PRKCE: variants seen among roughly 807,000 people sequenced by gnomAD.
The protein encoded by PRKCE is protein kinase C epsilon type.
In PRKCE, 16 loss-of-function variants were observed where a neutral mutation model predicts 85.4. That is an observed-to-expected ratio of 0.19 (90% CI 0.13 to 0.28). PRKCE has a LOEUF of 0.28. Among genes scored for constraint, PRKCE ranks in the 10% least tolerant of loss-of-function variants. The probability of loss-of-function intolerance (pLI) is 1.00; values close to 1 mark genes in which losing one functional copy is unlikely to be tolerated. For synonymous variants in PRKCE, 388 were observed against 371.5 expected (o/e 1.04, Z -0.51); for missense variants, 573 against 975.2 (o/e 0.59, Z 5.49).
In PRKCE at chr2:45,786,986, G is replaced by A. The variant is rs765137557; in HGVS notation, c.349-56014G>A. On this transcript the variant is annotated intron_variant, in intron 1 of 14. Coordinates refer to ENST00000306156, the MANE Select transcript of PRKCE (RefSeq NM_005400.3). This position sits in a 1 kb window ranked among gnomAD's most constrained non-coding sequence, Gnocchi z 5.3. ...GTCACTTGAGGCTTTGGTTCAAGTCGGGATTTCCCATCGGTTTCCCCTGGA... is the reference window on the plus strand; with the variant it reads ...GTCACTTGAGGCTTTGGTTCAAGTCAGGATTTCCCATCGGTTTCCCCTGGA... Among the ~76,000 whole-genome samples, 1 of 152,280 alleles carries A rather than the reference G, an allele frequency of 6.6e-6. No individual in the cohort carries two copies. The highest frequency in any genetic ancestry group is 1.9e-4 in the East Asian group (1 of 5,188).
At chr2:45,832,145 C>T (rs976886166) in intron 1 of PRKCE, among the ~76,000 whole-genome samples, 2 of 152,046 alleles carry the variant, frequency 1.3e-5, no homozygotes, top group Non-Finnish European at 2.9e-5. Context: ...CAGGAATATT[C>T]CCCGGAGAGC....
chr2:45,775,125 T>C (rs1685649847), intron 1 of PRKCE, among the ~76,000 whole-genome samples: 1 of 152,190 alleles, frequency 6.6e-6, no homozygotes, highest in African/African-American at 2.4e-5. Context: ...TGGCAGGCAC[T>C]TTACGTAATT....
chr2:46,106,073 T>G (rs1671686867), intron 11 of PRKCE, among the ~76,000 whole-genome samples: 1 of 152,220 alleles, frequency 6.6e-6, no homozygotes, highest in Non-Finnish European at 1.5e-5. Context: ...CTAGGCTATG[T>G]GGTTTGTCTG....
chr2:45,969,353 A>G (rs77467776), intron 2 of PRKCE, among the ~76,000 whole-genome samples: 1,804 of 152,252 alleles, frequency 0.012, 12 homozygotes, highest in Middle Eastern at 0.041. Flanking sequence ...ACCTCCAAAG[A>G]GCCAAATGGG....
intron 12 of PRKCE, among the ~76,000 whole-genome samples, chr2:46,148,435 T>C (rs1676296602): frequency 6.6e-6 from 1 of 152,160 alleles, no homozygotes; most frequent in Non-Finnish European, 1.5e-5. Context: ...GGCGGCTCTG[T>C]GGTTTCCACA....
At chr2:45,801,025 G>C (rs1687823577) in intron 1 of PRKCE, among the ~76,000 whole-genome samples, 1 of 152,142 alleles carries the variant, frequency 6.6e-6, no homozygotes, top group Non-Finnish European at 1.5e-5. Flanking sequence ...AGAATTAGTG[G>C]GGGGAAGGGC....
intron 1 of PRKCE, among the ~76,000 whole-genome samples, chr2:45,759,789 C>T (rs1684306528): frequency 6.6e-6 from 1 of 152,150 alleles, no homozygotes; most frequent in Non-Finnish European, 1.5e-5. Context: ...TGAGTAAATG[C>T]TTAGGAGTCC....
intron 2 of PRKCE, among the ~76,000 whole-genome samples, chr2:45,850,387 T>C (rs1384023712): frequency 6.6e-6 from 1 of 152,244 alleles, no homozygotes; most frequent in East Asian, 1.9e-4. Flanking sequence ...TGTCTTGCTG[T>C]GTATCATTTC....
chr2:45,947,859 G>C (rs1486050534), intron 2 of PRKCE, among the ~76,000 whole-genome samples: 2 of 152,180 alleles, frequency 1.3e-5, no homozygotes, highest in Admixed American at 6.5e-5. Flanking sequence ...TTGCTCTAAA[G>C]TGTATATTTC....
intron 2 of PRKCE, among the ~76,000 whole-genome samples, chr2:45,966,246 A>ATACT (rs1369362603): frequency 2.0e-5 from 3 of 152,182 alleles, no homozygotes; most frequent in Non-Finnish European, 4.4e-5. Flanking sequence ...TGTAATGTTG[A>ATACT]TACTTCATAG....
At position 46,185,971 on chromosome 2, in the gene PRKCE, A is replaced by G. The variant is rs1168167372; in HGVS notation, c.*1090A>G. On this transcript the variant is annotated 3_prime_UTR_variant, in exon 15 of 15. Transcript: ENST00000306156. This position sits in a 1 kb window ranked among gnomAD's most constrained non-coding sequence, Gnocchi z 4.7. ...AAACATTAAACATGTAAAGTTATAT[A>G]CGAAATATCTGCTTTTGGAATAAGC... 6.6e-6 allele frequency: 1 copy of G among 152,452 alleles called. No individual in the cohort carries two copies. The highest frequency in any genetic ancestry group is 1.5e-5 in the Non-Finnish European group (1 of 68,046). The allele number at this position is 152,452 out of a possible 1,614,324, so 9.4% of individuals were successfully genotyped here.
intron 11 of PRKCE, among the ~76,000 whole-genome samples, chr2:46,091,498 G>T (rs975835799): frequency 6.6e-6 from 1 of 152,202 alleles, no homozygotes; most frequent in Non-Finnish European, 1.5e-5. Flanking sequence ...GGAGTTGAAG[G>T]CTTGGCAGCC....
At chr2:45,891,990 T>G (rs1032327410) in intron 2 of PRKCE, among the ~76,000 whole-genome samples, 1 of 152,172 alleles carries the variant, frequency 6.6e-6, no homozygotes, top group African/African-American at 2.4e-5. Context: ...AAATCTAATA[T>G]CTTCCTGTTG....
intron 14 of PRKCE, among the ~76,000 whole-genome samples, chr2:46,169,290 A>G (rs559328997): frequency 1.3e-5 from 2 of 152,306 alleles, no homozygotes; most frequent in East Asian, 3.9e-4. Context: ...TTAACATTCC[A>G]TTGTTATTCT....
intron 10 of PRKCE, among the ~76,000 whole-genome samples, chr2:46,060,882 C>G (rs1667050193): frequency 6.6e-6 from 1 of 151,902 alleles, no homozygotes; most frequent in Non-Finnish European, 1.5e-5. Context: ...CTGCCTCAGC[C>G]TCCTGAGTAG....
At chr2:45,979,248 G>A (rs753081219) in intron 4 of PRKCE, among the ~76,000 whole-genome samples, 6 of 152,162 alleles carry the variant, frequency 3.9e-5, no homozygotes, top group Non-Finnish European at 5.9e-5. Context: ...CAATCCACCC[G>A]GCCTTTGTGT....
intron 14 of PRKCE, among the ~76,000 whole-genome samples, chr2:46,172,235 C>G (rs893578468): frequency 2.9e-4 from 44 of 152,160 alleles, no homozygotes; most frequent in African/African-American, 1.1e-3. Context: ...GCCCTCTTTC[C>G]CCCCAGGCAC....
intron 1 of PRKCE, among the ~76,000 whole-genome samples, chr2:45,679,759 G>A (rs1051799419): frequency 6.6e-6 from 1 of 152,134 alleles, no homozygotes; most frequent in Non-Finnish European, 1.5e-5. Flanking sequence ...CCCTGCTGTA[G>A]TGGTGTTGAT....
rs574076939 is a variant in PRKCE, at chr2:46,114,689, G to A, written c.1592+28327G>A. 1.1e-3 allele frequency among the ~76,000 whole-genome samples: 167 copies of A among 150,766 alleles called. 1 individual carries two copies. The highest frequency in any genetic ancestry group is 2.1e-3 in the Non-Finnish European group (140 of 67,716). On this transcript the variant is annotated intron_variant, in intron 11 of 14. Transcript: ENST00000306156. ...CCGCCTCAGCCTCCTAAAGTGCTGAGATTACAGGCATGAGCCACCGTGCCC... is the reference window on the plus strand; with the variant it reads ...CCGCCTCAGCCTCCTAAAGTGCTGAAATTACAGGCATGAGCCACCGTGCCC...
Sources: gnomAD v4.1 joint callset for allele counts (sites outside exome capture counted in the v4.1 genomes callset) on GRCh38, gnomAD v4.1.1 for gene constraint, Gnocchi (gnomAD v3.1) non-coding constraint, MANE v1.5 for transcripts, NCBI Gene and HGNC (gene_info 2026-07-23, HGNC 2026-07-21) for gene names.